PRR19: variants seen among roughly 807,000 people sequenced by gnomAD.
PRR19 encodes proline-rich protein 19.
A neutral mutation model predicts 19.2 loss-of-function variants in PRR19; 9 were observed. The ratio of observed to expected loss-of-function variants is 0.47; its 90% CI spans 0.28 to 0.82. The LOEUF is 0.82. PRR19 is among the 40% of genes least tolerant of loss of function. The pLI, the probability that PRR19 is intolerant of heterozygous loss-of-function variation, is 0.11. For missense variants in PRR19, 457 were observed against 466.0 expected, an observed-to-expected ratio of 0.98 and a Z score of 0.18; for synonymous variants, 190 against 191.0, an observed-to-expected ratio of 0.99 and a Z score of 0.04.
chr19:42,309,473 T>G, intron 1 of PRR19, 106 bp from the exon 2 acceptor site: 1 of 810,974 alleles, frequency 1.2e-6, no homozygotes, highest in South Asian at 1.9e-5. Flanking sequence ...CCTACCCCAG[T>G]GTTGGTATTA....
chr19:42,310,286 T>G lies in PRR19; in HGVS notation c.617T>G (p.Val206Gly). ...TCTGTGCCAGGGGCCAAGCCTGGGG[T>G]CTCTGAGAGAAAGATGACACCCTTC... is the stretch of plus-strand genomic sequence containing the variant. ...QPPLPGAKPG[V>G]SERKMTPFWI... The change falls in exon 3 of 3, where the codon GTC (valine) becomes GGC (glycine). Residue 206 changes from valine (V) to glycine (G), a missense_variant. Transcript: ENST00000341747. The G allele has an allele frequency of 1.2e-6, 2 of 1,613,930 alleles. No individual in the cohort carries two copies. The highest frequency in any genetic ancestry group is 1.7e-6 in the Non-Finnish European group (2 of 1,179,968).
intron 1 of PRR19, 188 bp downstream of exon 1, chr19:42,302,691 C>T: frequency 3.8e-6 from 1 of 263,040 alleles, no homozygotes; most frequent in Non-Finnish European, 7.4e-6. Flanking sequence ...CGGGGAGGGG[C>T]GAACTACCTG....
chr19:42,309,785 C>T lies in PRR19; in HGVS notation c.201C>T (p.Gly67=), dbSNP rs772615445. The part of the protein sequence containing the change: ...TASKLVVITQ[G]RLSREHRGLF... ...CCAAGCTCGTGGTCATAACCCAGGG[C>T]CGGCTGAGCCGGGAGCACCGGGGTC... The change falls in exon 2 of 3, where the codon GGC becomes GGT. Residue 67 remains glycine (G), a synonymous_variant. Coordinates refer to ENST00000341747, the MANE Select transcript of PRR19 (RefSeq NM_199285.3). The T allele has an allele frequency of 6.2e-7, 1 of 1,613,500 alleles. No individual in the cohort carries two copies. The highest frequency in any genetic ancestry group is 1.1e-5 in the South Asian group (1 of 91,018).
In PRR19 at chr19:42,309,750, C is replaced by T; in HGVS notation, c.166C>T (p.Pro56Ser). Residue 56 changes from proline to serine, a missense_variant, in exon 2 of 3, where the codon CCT becomes TCT. Pro to Ser is a moderately conservative substitution (Grantham distance 74). Coordinates refer to ENST00000341747, the MANE Select transcript of PRR19 (RefSeq NM_199285.3). The part of the protein sequence containing the change: ...PVAIRDPPVV[P>S]TASKLVVITQ... Reference sequence around the variant, plus strand: ...GGCCATTCGGGATCCACCTGTGGTCCCTACTGCCTCCAAGCTCGTGGTCAT... The same window carrying T: ...GGCCATTCGGGATCCACCTGTGGTCTCTACTGCCTCCAAGCTCGTGGTCAT... 6.2e-7 allele frequency: 1 copy of T among 1,608,862 alleles called. No individual in the cohort carries two copies. The highest frequency in any genetic ancestry group is 8.5e-7 in the Non-Finnish European group (1 of 1,176,156).
intron 1 of PRR19, 164 bp from the exon 2 acceptor site, chr19:42,309,415 G>A: frequency 1.8e-6 from 1 of 557,306 alleles, no homozygotes; most frequent in Non-Finnish European, 3.1e-6. Flanking sequence ...TGCCATGTTG[G>A]CTAGGCTGGT....
intron 1 of PRR19, chr19:42,308,638 A>G (rs1177518149): frequency 6.6e-6 from 1 of 152,106 alleles, no homozygotes. Context: ...GCCTCAAGTG[A>G]TCTGCTCGCC....
rs892227192 is a variant in PRR19, at chr19:42,310,568, C to T, written c.899C>T (p.Pro300Leu). Residue 300 changes from proline to leucine, a missense_variant, in exon 3 of 3, where the codon CCC (proline) becomes CTC (leucine). Physicochemically the swap from Pro to Leu is moderately conservative, Grantham distance 98. Transcript: ENST00000341747. ...WLVATPPPPR[P>L]WGVGLPQPLP... Reference sequence around the variant, plus strand: ...GTAGCCACGCCACCCCCTCCTCGGCCCTGGGGGGTTGGCCTCCCTCAGCCC... The same window carrying T: ...GTAGCCACGCCACCCCCTCCTCGGCTCTGGGGGGTTGGCCTCCCTCAGCCC... The T allele has an allele frequency of 6.2e-7, 1 of 1,613,982 alleles. No individual in the cohort carries two copies. Among genetic ancestry groups the T allele is most frequent in the Non-Finnish European group, 8.5e-7 (1 of 1,179,842 alleles).
Position 42,309,581 on chromosome 19 carries a change from C to T in PRR19, c.-4C>T, listed in dbSNP as rs1304971394. Reference sequence around the variant, plus strand: ...GCCACCCTATCTTTATATTCCAGGACACCATGGATACCCAGGGACCAGTCT... The same window carrying T: ...GCCACCCTATCTTTATATTCCAGGATACCATGGATACCCAGGGACCAGTCT... On this transcript the variant is annotated splice_region_variant and 5_prime_UTR_variant, in exon 2 of 3. Transcript: ENST00000341747. 2.6e-6 allele frequency: 4 copies of T among 1,516,972 alleles called. No homozygotes were observed. Among genetic ancestry groups the T allele is most frequent in the Non-Finnish European group, 3.5e-6 (4 of 1,130,798 alleles). The allele number at this position is 1,516,972 out of a possible 1,614,324, so 94.0% of individuals were successfully genotyped here.
At chr19:42,303,966 C>T (rs778023084) in intron 1 of PRR19, among the ~76,000 whole-genome samples, 30 of 151,978 alleles carry the variant, frequency 2.0e-4, no homozygotes, top group Non-Finnish European at 2.9e-4. Context: ...TGGGGAATAT[C>T]GTGGAATAGC....
chr19:42,308,364 C>T (rs10403591), intron 1 of PRR19, among the ~76,000 whole-genome samples: 3 of 148,338 alleles, frequency 2.0e-5, no homozygotes, highest in Admixed American at 1.3e-4. Flanking sequence ...GCAGCTGGGA[C>T]TACAGGTGTG....
chr19:42,310,745 AG>A lies in PRR19; in HGVS notation c.*7del. 1 of 1,508,730 alleles carries A rather than the reference AG, an allele frequency of 6.6e-7. No individual in the cohort carries two copies. Among genetic ancestry groups the A allele is most frequent in the South Asian group, 1.3e-5 (1 of 75,234 alleles). The allele number at this position is 1,508,730 out of a possible 1,614,324, so 93.5% of individuals were successfully genotyped here. A position where few individuals can be genotyped will look rare whatever the true frequency, so the allele number is the denominator to read the frequency against. Reference sequence around the variant, plus strand: ...CCACCCATGAGACTGTACTGAGGAGAGGCTGAGGCTAGGGCTGGGGACAGAT... The same window carrying A: ...CCACCCATGAGACTGTACTGAGGAGAGCTGAGGCTAGGGCTGGGGACAGAT... On this transcript the variant is annotated 3_prime_UTR_variant, in exon 3 of 3. Transcript: ENST00000341747.
At position 42,302,349 on chromosome 19, in the gene PRR19, G is replaced by T. The variant is rs1200675338; in HGVS notation, c.-161G>T. ...TCCTGCAGGATGAGCGAGTCGGGTC[G>T]GCCCGGGAGTGTTCCGAACGGAGCT... On this transcript the variant is annotated 5_prime_UTR_variant, in exon 1 of 3. Coordinates refer to ENST00000341747, the MANE Select transcript of PRR19 (RefSeq NM_199285.3). The T allele has an allele frequency of 2.6e-6, 4 of 1,545,286 alleles. No individual in the cohort carries two copies. Among genetic ancestry groups the T allele is most frequent in the Non-Finnish European group, 1.7e-6 (2 of 1,144,408 alleles).
At chr19:42,308,346 CTT>C (rs2038738675) in intron 1 of PRR19, among the ~76,000 whole-genome samples, 4 of 151,194 alleles carry the variant, frequency 2.6e-5, no homozygotes, top group Admixed American at 2.0e-4. Context: ...CCTACCTCAG[CTT>C]CCCTAGCAGC....
intron 1 of PRR19, among the ~76,000 whole-genome samples, chr19:42,308,480 C>A (rs2038741620): frequency 6.7e-6 from 1 of 149,568 alleles, no homozygotes; most frequent in Non-Finnish European, 1.5e-5. Flanking sequence ...CTTACTGCAA[C>A]CTCCGTCTCC....
chr19:42,304,749 CAA>C (rs934766288), intron 1 of PRR19, among the ~76,000 whole-genome samples: 11 of 36,808 alleles, frequency 3.0e-4, no homozygotes, highest in Middle Eastern at 0.014. Flanking sequence ...GACGCCGTCT[CAA>C]AAAAAAAAAA....
Position 42,310,554 on chromosome 19 carries a change from AC to A in PRR19, c.890del (p.Pro297LeufsTer43). 1 of 1,613,716 alleles carries A rather than the reference AC, an allele frequency of 6.2e-7. No homozygotes were observed. The highest frequency in any genetic ancestry group is 8.5e-7 in the Non-Finnish European group (1 of 1,179,940). On this transcript the variant is annotated frameshift_variant, in exon 3 of 3. Coordinates refer to ENST00000341747, the MANE Select transcript of PRR19 (RefSeq NM_199285.3). LOFTEE classifies it high-confidence loss of function. ...LKSIWLVATPPPPRPWGVGLP... is the reference protein window; with the variant it reads ...LKSIWLVATPXPPRPWGVGLP... ...AAAGCATCTGGCTGGTAGCCACGCC[AC>A]CCCCTCCTCGGCCCTGGGGGGTTGG... is the stretch of plus-strand genomic sequence containing the variant.
intron 1 of PRR19, 128 bp from the exon 2 acceptor site, chr19:42,309,451 G>C (rs966076179): frequency 3.0e-5 from 20 of 675,680 alleles, no homozygotes; most frequent in Non-Finnish European, 3.3e-5. Context: ...CTAAGTGATC[G>C]GCCTGCCTTG....
rs751873527 is a variant in PRR19 at position 42,302,356 on chromosome 19, G to C, written c.-154G>C. On this transcript the variant is annotated 5_prime_UTR_variant, in exon 1 of 3. Transcript: ENST00000341747. ...GGATGAGCGAGTCGGGTCGGCCCGG[G>C]AGTGTTCCGAACGGAGCTGGCTCCG... is the stretch of plus-strand genomic sequence containing the variant. The C allele has an allele frequency of 2.0e-6, 3 of 1,527,236 alleles. No individual in the cohort carries two copies. The highest frequency in any genetic ancestry group is 1.9e-5 in the Admixed American group (1 of 51,848). 94.6% of individuals were successfully genotyped at this position (1,527,236 alleles called of 1,614,324 possible).
Position 42,309,886 on chromosome 19 carries a change from C to T in PRR19, c.302C>T (p.Thr101Ile). 6.2e-7 allele frequency: 1 copy of T among 1,613,954 alleles called. No individual in the cohort carries two copies. The highest frequency in any genetic ancestry group is 8.5e-7 in the Non-Finnish European group (1 of 1,180,000). Residue 101 changes from threonine (T) to isoleucine (I), a missense_variant, in exon 2 of 3, where the codon ACA becomes ATA. Physicochemically the swap from Thr to Ile is moderately conservative, Grantham distance 89. Transcript: ENST00000341747. ...SSGTLVPGSP[T>I]LPAKPSPSPG... Reference sequence around the variant, plus strand: ...GGGACCCTGGTGCCAGGCAGCCCCACACTCCCCGCCAAGCCCTCCCCAAGC... The same window carrying T: ...GGGACCCTGGTGCCAGGCAGCCCCATACTCCCCGCCAAGCCCTCCCCAAGC...
Sources: allele counts gnomAD v4.1 joint callset (sites outside exome capture counted in the v4.1 genomes callset), GRCh38; gene constraint gnomAD v4.1.1; transcripts MANE v1.5; gene names NCBI Gene and HGNC (gene_info 2026-07-23, HGNC 2026-07-21).